The following VNN2 variants were observed in gnomAD, a reference collection of about 807,000 sequenced individuals.
VNN2 encodes the protein vanin 2, also known as pantetheine hydrolase VNN2.
VNN2 carries 43 observed loss-of-function variants against 43.0 expected under a neutral mutation model. That is an observed-to-expected ratio of 1.00 (90% CI 0.78 to 1.29). The LOEUF (loss-of-function observed/expected upper bound fraction) is 1.29, where lower values mean the gene tolerates loss of function less well. VNN2 is among the 50% of genes most tolerant of loss of function. VNN2 has a pLI of 0.00. For synonymous variants in VNN2, 230 were observed against 224.3 expected, an observed-to-expected ratio of 1.03 and a Z score of -0.23; for missense variants, 652 against 619.7, an observed-to-expected ratio of 1.05 and a Z score of -0.55.
intron 3 of VNN2, chr6:132,753,915 T>C (rs1329415358): frequency 7.2e-6 from 1 of 139,662 alleles, no homozygotes; most frequent in African/African-American, 2.8e-5. Flanking sequence ...ATCGTGCCAT[T>C]GCACTCCAGC....
chr6:132,745,572 A>G (rs2114506567), intron 6 of VNN2, among the ~76,000 whole-genome samples: 1 of 152,308 alleles, frequency 6.6e-6, no homozygotes, highest in Admixed American at 6.5e-5. Context: ...CACAATGAAA[A>G]CTGGCAAATT....
chr6:132,762,073 G>A (rs1300874475), upstream of VNN2, among the ~76,000 whole-genome samples: 3 of 152,180 alleles, frequency 2.0e-5, no homozygotes, highest in East Asian at 1.9e-4. Context: ...TTGGATGACC[G>A]TGCTGAAGAA....
chr6:132,753,951 TAAAAAAA>T (rs61004061), intron 3 of VNN2: 6 of 94,178 alleles, frequency 6.4e-5, no homozygotes, highest in Non-Finnish European at 8.5e-5. Context: ...AGACTCTGCC[TAAAAAAA>T]AAAAAAAAAA....
At chr6:132,761,355 T>TAA (rs61548790), upstream of VNN2, among the ~76,000 whole-genome samples, 11 of 137,198 alleles carry the variant, frequency 8.0e-5, no homozygotes, top group African/African-American at 7.9e-5. Context: ...AGAGTCACCA[T>TAA]AAAAAAAAAA....
At chr6:132,759,838 G>C (rs1780697497), upstream of VNN2, among the ~76,000 whole-genome samples, 2 of 152,248 alleles carry the variant, frequency 1.3e-5, no homozygotes, top group East Asian at 1.9e-4. Flanking sequence ...AAAATGTAAA[G>C]GGATAGATAT....
chr6:132,751,704 A>C (rs927672627), intron 4 of VNN2, among the ~76,000 whole-genome samples, 186 bp from the exon 5 acceptor site: 1 of 152,214 alleles, frequency 6.6e-6, no homozygotes, highest in African/African-American at 2.4e-5. Flanking sequence ...GATTAAAATA[A>C]ACATTCCTTG....
chr6:132,761,583 C>G (rs1190506473), upstream of VNN2, among the ~76,000 whole-genome samples: 1 of 152,030 alleles, frequency 6.6e-6, no homozygotes, highest in Non-Finnish European at 1.5e-5. Flanking sequence ...TTGCTTGAAC[C>G]CAGGAGGAGG....
At chr6:132,756,288 C>A (rs1780473967) in intron 2 of VNN2, among the ~76,000 whole-genome samples, 1 of 152,138 alleles carries the variant, frequency 6.6e-6, no homozygotes, top group Non-Finnish European at 1.5e-5. Context: ...TGAAACATCC[C>A]ATCAGCAATG....
At chr6:132,748,121 C>T (rs1241696058) in intron 6 of VNN2, among the ~76,000 whole-genome samples, 1 of 152,188 alleles carries the variant, frequency 6.6e-6, no homozygotes, top group Non-Finnish European at 1.5e-5. Context: ...TATGGCTAGA[C>T]CCTATGTCCT....
chr6:132,760,298 G>A (rs527278823), upstream of VNN2, among the ~76,000 whole-genome samples: 17 of 151,984 alleles, frequency 1.1e-4, no homozygotes, highest in African/African-American at 3.4e-4. Context: ...CCTCAGCCTC[G>A]CTAGTAGCTG....
upstream of VNN2, chr6:132,758,027 CTTCTTCTTCTTCTTTTTT>C: frequency 1.4e-5 from 1 of 71,938 alleles, no homozygotes; most frequent in Non-Finnish European, 2.1e-5. Context: ...TCTTCTTCTT[CTTCTTCTTCTTCTTTTTT>C]TTTTTTTTTT....
upstream of VNN2, among the ~76,000 whole-genome samples, chr6:132,759,832 T>C (rs1425076385): frequency 1.3e-5 from 2 of 152,064 alleles, no homozygotes; most frequent in Non-Finnish European, 2.9e-5. Flanking sequence ...TTGTGGAAAA[T>C]GTAAAGGGAT....
At chr6:132,758,018 C>CTTTTTTTTTTTTTTTTT, upstream of VNN2, 1 of 158,988 alleles carries the variant, frequency 6.3e-6, no homozygotes, top group Non-Finnish European at 9.8e-6. Flanking sequence ...TCTTCTTCTT[C>CTTTTTTTTTTTTTTTTT]TTCTTCTTCT....
chr6:132,760,273 C>T (rs1030141648), upstream of VNN2, among the ~76,000 whole-genome samples: 1 of 152,142 alleles, frequency 6.6e-6, no homozygotes, highest in Admixed American at 6.5e-5. Context: ...CTCCCAGGCT[C>T]AAGTGATCCT....
intron 6 of VNN2, among the ~76,000 whole-genome samples, chr6:132,745,271 A>G (rs1194963976): frequency 2.0e-5 from 3 of 152,228 alleles, no homozygotes; most frequent in South Asian, 2.1e-4. Context: ...GCTGGAGTGC[A>G]GTGGCATGAT....
intron 5 of VNN2, among the ~76,000 whole-genome samples, chr6:132,750,860 C>A (rs1780028858): frequency 6.6e-6 from 1 of 152,084 alleles, no homozygotes; most frequent in Non-Finnish European, 1.5e-5. Flanking sequence ...CCACAGTAGG[C>A]TGGTTTATTA....
At chr6:132,752,241 T>C (rs962366699) in intron 4 of VNN2, among the ~76,000 whole-genome samples, 16 of 152,308 alleles carry the variant, frequency 1.1e-4, no homozygotes, top group East Asian at 1.9e-4. Context: ...ACACTATCTA[T>C]CTCATATAAT....
chr6:132,755,578 T>C (rs1055711394), intron 3 of VNN2, among the ~76,000 whole-genome samples: 1 of 152,146 alleles, frequency 6.6e-6, no homozygotes, highest in African/African-American at 2.4e-5. Flanking sequence ...TTTCACAATG[T>C]TGGCCAGACT....
intron 3 of VNN2, 132 bp downstream of exon 3, chr6:132,755,711 A>C: frequency 1.9e-6 from 2 of 1,052,754 alleles, no homozygotes; most frequent in Non-Finnish European, 2.6e-6. Context: ...CTTTCAAAAA[A>C]CAAAAAACAA....
Sources: allele counts gnomAD v4.1 joint callset (sites outside exome capture counted in the v4.1 genomes callset), GRCh38; gene constraint gnomAD v4.1.1; transcripts MANE v1.5; gene names NCBI Gene and HGNC (gene_info 2026-07-23, HGNC 2026-07-21).